The following RCN1 variants were observed in gnomAD, a reference collection of about 807,000 sequenced individuals.
RCN1 encodes reticulocalbin 1.
RCN1 carries 14 observed loss-of-function variants against 34.7 expected under a neutral mutation model. The observed-to-expected ratio is 0.40, with a 90% CI of 0.27 to 0.63. The LOEUF (loss-of-function observed/expected upper bound fraction) is 0.63. RCN1 is among the 30% of genes least tolerant of loss of function. The pLI is 0.37. For synonymous variants in RCN1, 125 were observed against 165.5 expected (o/e 0.76, Z 1.88); for missense variants, 326 against 425.1 (o/e 0.77, Z 2.05).
In RCN1 at chr11:32,091,336, A is replaced by G; in HGVS notation, c.140A>G (p.Glu47Gly). 6.5e-7 allele frequency: 1 copy of G among 1,548,232 alleles called. No homozygotes were observed. Among genetic ancestry groups the G allele is most frequent in the Non-Finnish European group, 8.7e-7 (1 of 1,146,270 alleles). Residue 47 changes from glutamate (E) to glycine (G), a missense_variant, in exon 1 of 6, where the codon GAG (glutamate) becomes GGG (glycine). Glu to Gly is a moderately conservative substitution (Grantham distance 98). Coordinates refer to ENST00000054950, the MANE Select transcript of RCN1 (RefSeq NM_002901.4). Reference protein sequence around the residue: ...RVVRPDSELGERPPEDNQSFQ... With the variant: ...RVVRPDSELGGRPPEDNQSFQ... ...GTGCGGCCCGACTCGGAGCTGGGCG[A>G]GCGGCCCCCTGAGGACAACCAGAGC...
At position 32,091,175 on chromosome 11, in the gene RCN1, C is replaced by G; in HGVS notation, c.-22C>G. On this transcript the variant is annotated 5_prime_UTR_variant, in exon 1 of 6. Transcript: ENST00000054950. ...TGTCGCTCGCTCAGCGTCTCCCTCT[C>G]GGCCGCCCTCTCCTCGGGACGATGG... 2 of 1,404,602 alleles carry G rather than the reference C, an allele frequency of 1.4e-6. No homozygotes were observed. Among genetic ancestry groups the G allele is most frequent in the East Asian group, 2.9e-5 (1 of 34,286 alleles). The allele number at this position is 1,404,602 out of a possible 1,614,324, so 87.0% of individuals were successfully genotyped here.
intron 4 of RCN1, 149 bp from the exon 5 acceptor site, chr11:32,103,132 C>A: frequency 1.4e-6 from 1 of 693,360 alleles, no homozygotes; most frequent in Admixed American, 2.3e-5. Context: ...ATCATTATCC[C>A]CAAGAAGCTG....
Position 32,097,137 on chromosome 11 carries a change from A to G in RCN1, c.255-7A>G. ...TGGGTTTCTTTTTTTTTTTTTTTGT[A>G]CTGCAGGAAGATTGTTGATCGAATC... On this transcript the variant is annotated splice_polypyrimidine_tract_variant and splice_region_variant and intron_variant, in intron 1 of 5. Coordinates refer to ENST00000054950, the MANE Select transcript of RCN1 (RefSeq NM_002901.4). 3 of 1,343,098 alleles carry G rather than the reference A, an allele frequency of 2.2e-6. No individual in the cohort carries two copies. Among genetic ancestry groups the G allele is most frequent in the Non-Finnish European group, 1.9e-6 (2 of 1,040,866 alleles). 83.2% of individuals were successfully genotyped at this position (1,343,098 alleles called of 1,614,324 possible). A position where few individuals can be genotyped will look rare whatever the true frequency, so the allele number is the denominator to read the frequency against.
At chr11:32,098,769 C>T (rs2133475509) in intron 3 of RCN1, among the ~76,000 whole-genome samples, 1 of 152,282 alleles carries the variant, frequency 6.6e-6, no homozygotes, top group African/African-American at 2.4e-5. Context: ...CCAGATGGAC[C>T]TCCTGGGCTG....
Position 32,104,526 on chromosome 11 carries a change from G to A in RCN1, c.*54G>A. On this transcript the variant is annotated 3_prime_UTR_variant, in exon 6 of 6. Transcript: ENST00000054950. The stretch of plus-strand genomic sequence containing the variant: ...TCATAGGCATTCTGTTATTGTCTTG[G>A]ATTGTTGCTACAATTGTCTAATTTA... 1 of 973,286 alleles carries A rather than the reference G, an allele frequency of 1.0e-6. No individual in the cohort carries two copies. Among genetic ancestry groups the A allele is most frequent in the South Asian group, 1.4e-5 (1 of 70,498 alleles). 60.3% of individuals were successfully genotyped at this position (973,286 alleles called of 1,614,324 possible).
At chr11:32,103,016 C>G (rs1451377410) in intron 4 of RCN1, 1 of 575,120 alleles carries the variant, frequency 1.7e-6, no homozygotes, top group East Asian at 4.0e-5. Context: ...AAGGAAACTT[C>G]AGGCTCAGTC....
At chr11:32,101,040 GT>G (rs1357039053) in intron 4 of RCN1, among the ~76,000 whole-genome samples, 1 of 152,218 alleles carries the variant, frequency 6.6e-6, no homozygotes, top group African/African-American at 2.4e-5. Context: ...TAACAGAACT[GT>G]TTATGTGTCT....
chr11:32,092,074 G>A (rs1448402380), intron 1 of RCN1, among the ~76,000 whole-genome samples: 1 of 151,880 alleles, frequency 6.6e-6, no homozygotes, highest in African/African-American at 2.4e-5. Context: ...GGCGGGGGGA[G>A]GGGTGGGGAG....
In RCN1 at chr11:32,103,434, CA is replaced by C; in HGVS notation, c.843del (p.Gln282ArgfsTer19). 6.2e-7 allele frequency: 1 copy of C among 1,613,908 alleles called. No individual in the cohort carries two copies. Among genetic ancestry groups the C allele is most frequent in the Non-Finnish European group, 8.5e-7 (1 of 1,179,762 alleles). Reference protein sequence around the residue: ...HWILPQDYDHAQAEARHLVYE... With the variant: ...HWILPQDYDHXQAEARHLVYE... Reference sequence around the variant, plus strand: ...ATCCTCCCTCAAGATTATGATCATGCACAGGCTGAGGCCAGGCATCTGGTAT... The same window carrying C: ...ATCCTCCCTCAAGATTATGATCATGCCAGGCTGAGGCCAGGCATCTGGTAT... On this transcript the variant is annotated frameshift_variant, in exon 5 of 6. Transcript: ENST00000054950. LOFTEE classifies it high-confidence loss of function.
At chr11:32,104,224 A>G in intron 5 of RCN1, 141 bp from the exon 6 acceptor site, 2 of 588,306 alleles carry the variant, frequency 3.4e-6, no homozygotes, top group Non-Finnish European at 3.0e-6. Context: ...GTCATGGTAG[A>G]TGAAGGAGGT....
intron 5 of RCN1, among the ~76,000 whole-genome samples, chr11:32,103,993 A>C (rs1167656122): frequency 1.3e-5 from 2 of 152,256 alleles, no homozygotes; most frequent in East Asian, 3.9e-4. Context: ...CCTATTCCCC[A>C]CTTTGCTGAT....
chr11:32,104,244 C>T (rs1337770939), intron 5 of RCN1, 121 bp from the exon 6 acceptor site: 3 of 625,358 alleles, frequency 4.8e-6, no homozygotes, highest in Non-Finnish European at 8.4e-6. Context: ...TGCCCAGTAG[C>T]TTCTGGATTA....
intron 1 of RCN1, 101 bp from the exon 2 acceptor site, chr11:32,097,043 A>G (rs1851978563): frequency 1.1e-6 from 1 of 901,324 alleles, no homozygotes; most frequent in East Asian, 2.8e-5. Flanking sequence ...TGGATTGTGC[A>G]GGTGTTTGAT....
intron 4 of RCN1, chr11:32,102,241 AC>A (rs1170077480): frequency 6.8e-6 from 1 of 146,200 alleles, no homozygotes; most frequent in Non-Finnish European, 1.5e-5. Context: ...ATGGCTTCAA[AC>A]CTCAGCTTCC....
At chr11:32,101,518 C>G (rs1042179129) in intron 4 of RCN1, among the ~76,000 whole-genome samples, 1 of 152,192 alleles carries the variant, frequency 6.6e-6, no homozygotes, top group Non-Finnish European at 1.5e-5. Context: ...GAGTTGCTGT[C>G]TCTGGTTTTG....
intron 1 of RCN1, among the ~76,000 whole-genome samples, chr11:32,092,383 C>T (rs956765357): frequency 2.0e-5 from 3 of 152,102 alleles, no homozygotes; most frequent in African/African-American, 7.2e-5. Flanking sequence ...ACGCAGTTTC[C>T]GATTGGAAAC....
chr11:32,091,296 C>G lies in RCN1; in HGVS notation c.100C>G (p.Arg34Gly), dbSNP rs1457290278. 7 of 1,545,672 alleles carry G rather than the reference C, an allele frequency of 4.5e-6. No homozygotes were observed. The highest frequency in any genetic ancestry group is 4.4e-6 in the Non-Finnish European group (5 of 1,145,466). ...PRVLRAKPTV[R>G]KERVVRPDSE... ...GGTTCTGCGGGCCAAGCCCACGGTG[C>G]GCAAAGAGCGCGTGGTGCGGCCCGA... The change falls in exon 1 of 6, where the codon CGC becomes GGC. Residue 34 changes from arginine (R) to glycine (G), a missense_variant. Transcript: ENST00000054950.
intron 1 of RCN1, among the ~76,000 whole-genome samples, chr11:32,094,307 G>A (rs544641352): frequency 1.8e-4 from 27 of 152,294 alleles, no homozygotes; most frequent in African/African-American, 5.1e-4. Flanking sequence ...GTGGGAACCC[G>A]TAGGCTGCAT....
Position 32,104,654 on chromosome 11 carries a change from C to T in RCN1, c.*182C>T. 2.0e-6 allele frequency: 1 copy of T among 488,902 alleles called. No individual in the cohort carries two copies. Among genetic ancestry groups the T allele is most frequent in the South Asian group, 3.7e-5 (1 of 27,174 alleles). The allele number at this position is 488,902 out of a possible 1,614,324, so 30.3% of individuals were successfully genotyped here. On this transcript the variant is annotated 3_prime_UTR_variant, in exon 6 of 6. Coordinates refer to ENST00000054950, the MANE Select transcript of RCN1 (RefSeq NM_002901.4). ...TGGAAAATGGACATCACTAGTCTTT[C>T]AGTAAGATTTCTCTCAAAACACGTG... is the stretch of plus-strand genomic sequence containing the variant.
Sources: gnomAD v4.1 joint callset for allele counts (sites outside exome capture counted in the v4.1 genomes callset) on GRCh38, gnomAD v4.1.1 for gene constraint, MANE v1.5 for transcripts, NCBI Gene and HGNC (gene_info 2026-07-23, HGNC 2026-07-21) for gene names.